Variants in STAU2 observed in about 807,000 individuals in gnomAD.
STAU2 encodes the protein double-stranded RNA-binding protein Staufen homolog 2.
A neutral mutation model predicts 65.9 loss-of-function variants in STAU2; 20 were observed. The observed-to-expected ratio is 0.30, with a 90% CI of 0.21 to 0.44. The LOEUF (loss-of-function observed/expected upper bound fraction) is 0.44. Ranked by LOEUF, STAU2 falls within the 20% of genes least tolerant of loss-of-function variation. The pLI, the probability that STAU2 is intolerant of heterozygous loss-of-function variation, is 1.00. For synonymous variants in STAU2, 232 were observed against 233.9 expected, an observed-to-expected ratio of 0.99 and a Z score of 0.07; for missense variants, 558 against 683.9, an observed-to-expected ratio of 0.82 and a Z score of 2.05.
chr8:73,611,443 T>A (rs1812449436), intron 9 of STAU2, among the ~76,000 whole-genome samples: 1 of 152,134 alleles, frequency 6.6e-6, no homozygotes, highest in South Asian at 2.1e-4. Flanking sequence ...GAGATCTGAA[T>A]GATGCATAGG....
intron 13 of STAU2, among the ~76,000 whole-genome samples, chr8:73,545,049 C>T (rs1055663953): frequency 7.2e-5 from 11 of 152,176 alleles, no homozygotes; most frequent in African/African-American, 2.7e-4. Context: ...TCCTGTGCTT[C>T]AGCTGAATCA....
chr8:73,730,751 C>CA (rs1177918100), intron 3 of STAU2, among the ~76,000 whole-genome samples: 379 of 129,914 alleles, frequency 2.9e-3, no homozygotes, highest in Non-Finnish European at 4.4e-3. Flanking sequence ...AAAAAAAAGA[C>CA]AAAAAAAAAA....
At chr8:73,735,708 G>T (rs1028347428) in intron 3 of STAU2, among the ~76,000 whole-genome samples, 1 of 152,284 alleles carries the variant, frequency 6.6e-6, no homozygotes, top group South Asian at 2.1e-4. Context: ...CACTGTGTAC[G>T]ATTTCTAGCC....
chr8:73,621,238 T>G lies in STAU2; in HGVS notation c.411-3787A>C, dbSNP rs905185722. 3.3e-5 allele frequency among the ~76,000 whole-genome samples: 5 copies of G among 152,122 alleles called. No individual in the cohort carries two copies. The East Asian group carries it at 5.8e-4, about 18-fold the overall frequency. The stretch of plus-strand genomic sequence containing the variant: ...GGCGGTTTCCCCCATGGTATTCTCA[T>G]GATAGGGAGTGAGTTCTCACAAGAT... On this transcript the variant is annotated intron_variant, in intron 6 of 14. Coordinates refer to ENST00000524300, the MANE Select transcript of STAU2 (RefSeq NM_001164380.2).
rs150210226 is a variant in STAU2 at position 73,647,228 on chromosome 8, G to A, written c.410+25879C>T. On this transcript the variant is annotated intron_variant, in intron 6 of 14. Coordinates refer to ENST00000524300, the MANE Select transcript of STAU2 (RefSeq NM_001164380.2). ...CACAACTGAGGTATCACACTCCTGT[G>A]TATTTATCCCAAAGAAATAAACATT... Among the ~76,000 whole-genome samples, 6 of 152,234 alleles carry A rather than the reference G, an allele frequency of 3.9e-5. No individual in the cohort carries two copies. In the East Asian group the frequency reaches 9.7e-4, roughly 25 times the overall value.
At chr8:73,427,010 C>G (rs1034223100) in intron 13 of STAU2, among the ~76,000 whole-genome samples, 3 of 149,746 alleles carry the variant, frequency 2.0e-5, no homozygotes, top group African/African-American at 7.4e-5. Context: ...CCCACCACAA[C>G]CTCTGCCTCC....
rs185145538 is a variant in STAU2 at position 73,525,541 on chromosome 8, A to G, written c.1530+26471T>C. On this transcript the variant is annotated intron_variant, in intron 13 of 14. Transcript: ENST00000524300. Reference sequence around the variant, plus strand: ...GCCCAAACTAGCCTCATTATCTTATATATGAAGAAGCCAAGTCCCCAAGAG... The same window carrying G: ...GCCCAAACTAGCCTCATTATCTTATGTATGAAGAAGCCAAGTCCCCAAGAG... 5.9e-5 allele frequency among the ~76,000 whole-genome samples: 9 copies of G among 152,306 alleles called. 1 individual carries two copies. The East Asian group carries it at 1.4e-3, about 23-fold the overall frequency.
intron 12 of STAU2, among the ~76,000 whole-genome samples, chr8:73,573,288 G>A (rs533393069): frequency 2.6e-4 from 39 of 152,334 alleles, no homozygotes; most frequent in African/African-American, 3.6e-4. Flanking sequence ...CCATGCTCAT[G>A]GATAGGAAGA....
At chr8:73,553,770 C>G (rs1807516220) in intron 12 of STAU2, among the ~76,000 whole-genome samples, 1 of 151,548 alleles carries the variant, frequency 6.6e-6, no homozygotes, top group African/African-American at 2.4e-5. Flanking sequence ...TTTTTTAGCT[C>G]CATGCTTTCT....
chr8:73,687,419 A>AT (rs1818995546), intron 5 of STAU2, among the ~76,000 whole-genome samples: 1 of 132,404 alleles, frequency 7.6e-6, no homozygotes, highest in Non-Finnish European at 1.6e-5. Flanking sequence ...AAATTAATTT[A>AT]AATATAAATA....
intron 12 of STAU2, among the ~76,000 whole-genome samples, chr8:73,553,586 G>C (rs1350519201): frequency 6.6e-6 from 1 of 152,016 alleles, no homozygotes; most frequent in African/African-American, 2.4e-5. Flanking sequence ...TTTTGTCCAA[G>C]CCTTTAACAT....
At chr8:73,477,347 A>C (rs1820375227) in intron 13 of STAU2, among the ~76,000 whole-genome samples, 2 of 152,212 alleles carry the variant, frequency 1.3e-5, no homozygotes, top group South Asian at 4.1e-4. Context: ...ATGGGGTCCA[A>C]CCAGCACTAC....
At chr8:73,514,394 T>C (rs1343055089) in intron 13 of STAU2, among the ~76,000 whole-genome samples, 2 of 152,338 alleles carry the variant, frequency 1.3e-5, no homozygotes, top group Non-Finnish European at 2.9e-5. Context: ...CGGCTCTTTG[T>C]TGCAAAGAAC....
intron 13 of STAU2, among the ~76,000 whole-genome samples, chr8:73,493,185 G>A (rs773663451): frequency 4.0e-5 from 6 of 151,762 alleles, no homozygotes; most frequent in Non-Finnish European, 7.4e-5. Flanking sequence ...AAAGCTTTTA[G>A]ATGAAATCAA....
intron 13 of STAU2, among the ~76,000 whole-genome samples, chr8:73,545,308 T>C (rs888603040): frequency 1.3e-5 from 2 of 152,144 alleles, no homozygotes; most frequent in African/African-American, 4.8e-5. Context: ...GTTGTCCAGG[T>C]TGTATTACAG....
At chr8:73,703,162 C>G (rs1351323749) in intron 4 of STAU2, among the ~76,000 whole-genome samples, 1 of 152,132 alleles carries the variant, frequency 6.6e-6, no homozygotes, top group Admixed American at 6.5e-5. Context: ...GAGGTGGGGT[C>G]TGGGGACTGG....
chr8:73,433,784 T>C (rs1817495170), intron 13 of STAU2, among the ~76,000 whole-genome samples: 1 of 151,882 alleles, frequency 6.6e-6, no homozygotes, highest in South Asian at 2.1e-4. Context: ...ATTACAGGCG[T>C]GAGCCACCGT....
At chr8:73,617,913 G>C (rs961067232) in intron 6 of STAU2, among the ~76,000 whole-genome samples, 6 of 152,194 alleles carry the variant, frequency 3.9e-5, no homozygotes, top group African/African-American at 1.4e-4. Flanking sequence ...AAGGAGAGCA[G>C]ATTCAGCATA....
rs747946380 is a variant in STAU2, at chr8:73,595,194, G to A, written c.1133C>T (p.Ser378Phe). 48 of 1,608,504 alleles carry A rather than the reference G, an allele frequency of 3.0e-5. No individual in the cohort carries two copies. The highest frequency in any genetic ancestry group is 4.4e-5 in the South Asian group (4 of 89,986). The part of the protein sequence containing the change: ...AMLLQLGYKA[S>F]TNLQDQLEKT... ...CTCAAGTTGATCCTGAAGATTAGTG[G>A]ATGCTTTATAACCAAGTTGTAACAG... The change falls in exon 11 of 15, where the codon TCC (serine) becomes TTC (phenylalanine). Residue 378 changes from serine (S) to phenylalanine (F), a missense_variant. Ser to Phe is a radical substitution (Grantham distance 155, BLOSUM62 -2). Transcript: ENST00000524300.
Sources: allele counts gnomAD v4.1 joint callset (sites outside exome capture counted in the v4.1 genomes callset), GRCh38; gene constraint gnomAD v4.1.1; transcripts MANE v1.5; gene names NCBI Gene and HGNC (gene_info 2026-07-23, HGNC 2026-07-21).